Variants in LRP1B observed in about 807,000 individuals in gnomAD.
LRP1B encodes low-density lipoprotein receptor-related protein 1B.
LRP1B carries 217 observed loss-of-function variants against 556.6 expected under a neutral mutation model. The ratio of observed to expected loss-of-function variants is 0.39; its 90% CI spans 0.35 to 0.44. LRP1B has a LOEUF of 0.44. Among genes scored for constraint, LRP1B ranks in the 20% least tolerant of loss-of-function variants. The probability of loss-of-function intolerance (pLI) is 1.00; values close to 1 mark genes in which losing one functional copy is unlikely to be tolerated. For synonymous variants in LRP1B, 2,047 were observed against 1,865.8 expected (o/e 1.10, Z -2.50); for missense variants, 5,053 against 5,620.8 (o/e 0.90, Z 3.23).
At chr2:141,358,516 C>T (rs2683834) in intron 3 of LRP1B, among the ~76,000 whole-genome samples, 83,343 of 152,016 alleles carry the variant, frequency 0.55, 23,777 homozygotes, top group Non-Finnish European at 0.63. Context: ...TGGAGAAATA[C>T]CCTGACTTCT....
chr2:142,009,806 T>G (rs1413000481), intron 1 of LRP1B, among the ~76,000 whole-genome samples: 1 of 152,066 alleles, frequency 6.6e-6, no homozygotes, highest in Non-Finnish European at 1.5e-5. Flanking sequence ...ATATTGTATA[T>G]AGAAATAATA....
chr2:140,486,671 C>A (rs988280490), intron 58 of LRP1B, among the ~76,000 whole-genome samples: 8 of 151,762 alleles, frequency 5.3e-5, no homozygotes, highest in Admixed American at 3.3e-4. Flanking sequence ...ATAATCTTCA[C>A]AGTTTTTAAA....
intron 1 of LRP1B, among the ~76,000 whole-genome samples, chr2:141,828,656 T>G (rs558665460): frequency 6.6e-6 from 1 of 152,086 alleles, no homozygotes; most frequent in Non-Finnish European, 1.5e-5. Context: ...CAAGATGCCT[T>G]CAATCTAGTC....
chr2:140,702,995 CACTAGACTGTA>C (rs1559065301), intron 37 of LRP1B, among the ~76,000 whole-genome samples: 1 of 151,996 alleles, frequency 6.6e-6, no homozygotes, highest in East Asian at 1.9e-4. Flanking sequence ...TTTTTGCCCC[CACTAGACTGTA>C]AGCTCAACAA....
chr2:140,673,538 T>A (rs1042647922), intron 41 of LRP1B, among the ~76,000 whole-genome samples: 1 of 152,194 alleles, frequency 6.6e-6, no homozygotes, highest in African/African-American at 2.4e-5. Context: ...AATTTTAACA[T>A]CTATATCTAT....
intron 2 of LRP1B, among the ~76,000 whole-genome samples, chr2:141,588,781 T>C (rs191554347): frequency 5.7e-4 from 87 of 152,332 alleles, no homozygotes; most frequent in Non-Finnish European, 6.3e-4. Context: ...TAAGATGCTG[T>C]TGTAAAATAT....
At chr2:141,459,092 A>T (rs1037578001) in intron 3 of LRP1B, among the ~76,000 whole-genome samples, 1 of 67,000 alleles carries the variant, frequency 1.5e-5, no homozygotes, top group Non-Finnish European at 5.4e-5. Context: ...AGACTTAGAG[A>T]GCTGAACAGG....
At chr2:140,927,606 C>T (rs1245347326) in intron 20 of LRP1B, among the ~76,000 whole-genome samples, 5 of 151,042 alleles carry the variant, frequency 3.3e-5, no homozygotes, top group Admixed American at 2.0e-4. Context: ...TAAAATTTAT[C>T]ATTTATTTTA....
intron 3 of LRP1B, among the ~76,000 whole-genome samples, chr2:141,321,713 T>G (rs1011996587): frequency 6.6e-6 from 1 of 152,114 alleles, no homozygotes; most frequent in Non-Finnish European, 1.5e-5. Context: ...CTGAAGGATA[T>G]AGATGAATAA....
intron 20 of LRP1B, among the ~76,000 whole-genome samples, chr2:140,936,605 A>T (rs1266431616): frequency 6.6e-6 from 1 of 152,046 alleles, no homozygotes; most frequent in Non-Finnish European, 1.5e-5. Context: ...AAGGAATAAA[A>T]ATCACAAGAA....
intron 32 of LRP1B, among the ~76,000 whole-genome samples, chr2:140,811,836 C>A (rs1690937222): frequency 6.6e-6 from 1 of 151,972 alleles, no homozygotes; most frequent in Non-Finnish European, 1.5e-5. Flanking sequence ...TCAAGTACAA[C>A]CCTTTTGTTT....
chr2:140,403,162 T>C (rs1201667874), intron 66 of LRP1B, among the ~76,000 whole-genome samples: 2 of 152,072 alleles, frequency 1.3e-5, no homozygotes, highest in Non-Finnish European at 2.9e-5. Context: ...TAAAAACCAT[T>C]AGAAGAATTA....
intron 43 of LRP1B, among the ~76,000 whole-genome samples, chr2:140,545,095 T>C (rs1680279608): frequency 6.6e-6 from 1 of 152,072 alleles, no homozygotes. Flanking sequence ...ATATGTCTTC[T>C]TTAGAAAAGT....
intron 1 of LRP1B, among the ~76,000 whole-genome samples, chr2:142,117,574 A>G (rs548001737): frequency 6.6e-6 from 1 of 151,940 alleles, no homozygotes; most frequent in African/African-American, 2.4e-5. Flanking sequence ...AACTTGCTTT[A>G]TTGGTTCCCA....
chr2:141,860,373 CATCTT>C (rs1165812453), intron 1 of LRP1B, among the ~76,000 whole-genome samples: 1 of 152,118 alleles, frequency 6.6e-6, no homozygotes, highest in African/African-American at 2.4e-5. Context: ...TGGAATTACT[CATCTT>C]GGCTGTAAAA....
At chr2:141,205,278 G>A (rs1682223042) in intron 6 of LRP1B, among the ~76,000 whole-genome samples, 2 of 152,102 alleles carry the variant, frequency 1.3e-5, no homozygotes, top group African/African-American at 4.8e-5. Flanking sequence ...AAAAAGAATT[G>A]ATAACTTGTA....
intron 6 of LRP1B, among the ~76,000 whole-genome samples, chr2:141,210,516 T>C (rs559461377): frequency 1.3e-5 from 2 of 152,290 alleles, no homozygotes; most frequent in East Asian, 3.9e-4. Context: ...GTTTCAAATA[T>C]ATTTCATGAC....
intron 41 of LRP1B, among the ~76,000 whole-genome samples, chr2:140,670,277 T>G (rs1482828031): frequency 6.6e-6 from 1 of 152,188 alleles, no homozygotes; most frequent in Non-Finnish European, 1.5e-5. Flanking sequence ...ATTAAAATAA[T>G]TTTTGTTTAA....
intron 2 of LRP1B, among the ~76,000 whole-genome samples, chr2:141,591,166 A>G (rs1276769158): frequency 6.6e-6 from 1 of 152,116 alleles, no homozygotes; most frequent in African/African-American, 2.4e-5. Context: ...CTCCTGATGC[A>G]CTTTGCCCAT....
Sources: gnomAD v4.1 joint callset for allele counts (sites outside exome capture counted in the v4.1 genomes callset) on GRCh38, gnomAD v4.1.1 for gene constraint, MANE v1.5 for transcripts, NCBI Gene and HGNC (gene_info 2026-07-23, HGNC 2026-07-21) for gene names.